Variants in SUGT1 observed in about 807,000 individuals in gnomAD.
SUGT1 encodes the protein protein SGT1 homolog.
A neutral mutation model predicts 56.1 loss-of-function variants in SUGT1; 15 were observed. The ratio of observed to expected loss-of-function variants is 0.27; its 90% CI spans 0.18 to 0.41. The LOEUF (loss-of-function observed/expected upper bound fraction) is 0.41, where lower values mean the gene tolerates loss of function less well. SUGT1 is among the 10% of genes least tolerant of loss of function. SUGT1 has a pLI of 1.00. For missense variants in SUGT1, 347 were observed against 382.2 expected (o/e 0.91, Z 0.77); for synonymous variants, 123 against 128.6 (o/e 0.96, Z 0.30).
In SUGT1 at chr13:52,687,880, C is replaced by A; in HGVS notation, c.*45C>A. ...TCGTATTGTGTATATTCACCTAATG[C>A]CCATTGTGTATTGATATTGCATTCT... On this transcript the variant is annotated 3_prime_UTR_variant, in exon 13 of 13. Transcript: ENST00000310528. 3 of 1,295,136 alleles carry A rather than the reference C, an allele frequency of 2.3e-6. No individual in the cohort carries two copies. Among genetic ancestry groups the A allele is most frequent in the South Asian group, 1.5e-5 (1 of 66,134 alleles). The allele number at this position is 1,295,136 out of a possible 1,614,324, so 80.2% of individuals were successfully genotyped here.
In SUGT1 at chr13:52,694,921, C is replaced by G. The variant is rs532217761; in HGVS notation, c.*7086C>G. Reference sequence around the variant, plus strand: ...AGCCAGGATGGTCTCATCTCCTGATCTTGTGACCCGCCCGCCTCGGCCTCC... The same window carrying G: ...AGCCAGGATGGTCTCATCTCCTGATGTTGTGACCCGCCCGCCTCGGCCTCC... On this transcript the variant is annotated 3_prime_UTR_variant, in exon 13 of 13. Coordinates refer to ENST00000310528, the MANE Select transcript of SUGT1 (RefSeq NM_006704.5). 2.4e-4 allele frequency: 36 copies of G among 152,422 alleles called. No individual in the cohort carries two copies. Among genetic ancestry groups the G allele is most frequent in the Non-Finnish European group, 3.1e-4 (21 of 68,098 alleles). 9.4% of individuals were successfully genotyped at this position (152,422 alleles called of 1,614,324 possible). A position where few individuals can be genotyped will look rare whatever the true frequency, so the allele number is the denominator to read the frequency against.
At chr13:52,669,840 C>T (rs952180096) in intron 10 of SUGT1, among the ~76,000 whole-genome samples, 3 of 152,056 alleles carry the variant, frequency 2.0e-5, no homozygotes, top group African/African-American at 7.2e-5. Context: ...CTTTGAATTT[C>T]CTTTTTCATA....
intron 10 of SUGT1, 113 bp downstream of exon 10, chr13:52,667,032 G>A (rs777346540): frequency 9.0e-6 from 6 of 664,348 alleles, no homozygotes; most frequent in South Asian, 2.3e-5. Flanking sequence ...CCTTTAACAG[G>A]GACAAGAAAA....
At chr13:52,659,803 T>TAC (rs1389893109) in intron 5 of SUGT1, among the ~76,000 whole-genome samples, 1 of 17,064 alleles carries the variant, frequency 5.9e-5, no homozygotes, top group Non-Finnish European at 1.2e-4. Flanking sequence ...TATATATATA[T>TAC]ATATATATAT....
At chr13:52,658,756 T>C (rs73186430) in intron 4 of SUGT1, among the ~76,000 whole-genome samples, 48,316 of 111,556 alleles carry the variant, frequency 0.43, 8,609 homozygotes, top group Middle Eastern at 0.56. Context: ...TTTTTTTTTT[T>C]CAATCTTTTG....
intron 11 of SUGT1, among the ~76,000 whole-genome samples, chr13:52,678,470 C>T (rs901898531): frequency 6.6e-6 from 1 of 152,030 alleles, no homozygotes; most frequent in Non-Finnish European, 1.5e-5. Context: ...CTAATGTGTC[C>T]TAATACATAC....
chr13:52,666,982 T>C, intron 10 of SUGT1, 63 bp downstream of exon 10: 2 of 1,076,380 alleles, frequency 1.9e-6, no homozygotes, highest in South Asian at 1.3e-5. Context: ...ACTGGTGAAC[T>C]AATCACCCAT....
intron 10 of SUGT1, among the ~76,000 whole-genome samples, chr13:52,670,714 AG>A (rs1206729412): frequency 1.3e-5 from 2 of 152,166 alleles, no homozygotes; most frequent in African/African-American, 4.8e-5. Flanking sequence ...AGACTGAGGC[AG>A]GAGAATCGCT....
chr13:52,653,194 G>A (rs1000685784), intron 2 of SUGT1, 91 bp downstream of exon 2: 4 of 1,491,644 alleles, frequency 2.7e-6, no homozygotes, highest in Non-Finnish European at 3.7e-6. Flanking sequence ...CCGCACCGCC[G>A]GACAGGGACC....
At position 52,698,201 on chromosome 13, in the gene SUGT1, C is replaced by T. The variant is rs1309565570; in HGVS notation, c.*10366C>T. On this transcript the variant is annotated 3_prime_UTR_variant, in exon 13 of 13. Coordinates refer to ENST00000310528, the MANE Select transcript of SUGT1 (RefSeq NM_006704.5). ...AAGACTAGAGGTAGCTTTGGAACCT[C>T]TTATTCCCTGGAATGCAAACATGTA... 1.3e-5 allele frequency: 2 copies of T among 152,160 alleles called. No individual in the cohort carries two copies. The highest frequency in any genetic ancestry group is 2.9e-5 in the Non-Finnish European group (2 of 68,030). The allele number at this position is 152,160 out of a possible 1,614,324, so 9.4% of individuals were successfully genotyped here. A position where few individuals can be genotyped will look rare whatever the true frequency, so the allele number is the denominator to read the frequency against.
chr13:52,664,147 A>G (rs1437621045), intron 8 of SUGT1, 90 bp downstream of exon 8: 1 of 1,333,412 alleles, frequency 7.5e-7, no homozygotes, highest in Non-Finnish European at 1.0e-6. Flanking sequence ...AATTCTTACC[A>G]TGTGATTTTT....
chr13:52,678,566 A>G (rs1361852810), intron 11 of SUGT1, among the ~76,000 whole-genome samples: 7 of 152,186 alleles, frequency 4.6e-5, no homozygotes, highest in Non-Finnish European at 8.8e-5. Flanking sequence ...TTACCTGTTG[A>G]GCACTTGAAA....
At chr13:52,685,796 T>C (rs1963562971) in intron 12 of SUGT1, among the ~76,000 whole-genome samples, 1 of 152,140 alleles carries the variant, frequency 6.6e-6, no homozygotes, top group South Asian at 2.1e-4. Flanking sequence ...ATATACAAAA[T>C]AATCAAAGGG....
chr13:52,657,773 C>G, intron 3 of SUGT1, 151 bp downstream of exon 3: 2 of 685,870 alleles, frequency 2.9e-6, no homozygotes, highest in Admixed American at 3.1e-5. Flanking sequence ...TTGAGCAACA[C>G]CCATTTAAAT....
intron 5 of SUGT1, 68 bp downstream of exon 5, chr13:52,659,317 G>A: frequency 1.0e-6 from 1 of 998,724 alleles, no homozygotes; most frequent in Non-Finnish European, 1.4e-6. Flanking sequence ...GCTGAATTTT[G>A]GTAATGTTAA....
At chr13:52,657,430 T>A in intron 2 of SUGT1, 102 bp from the exon 3 acceptor site, 2 of 982,674 alleles carry the variant, frequency 2.0e-6, no homozygotes, top group Non-Finnish European at 3.1e-6. Flanking sequence ...TTCCTCCAAA[T>A]AGCTTCTGAC....
At position 52,700,404 on chromosome 13, in the gene SUGT1, T is replaced by C. The variant is rs1455228647; in HGVS notation, c.*12569T>C. 6.6e-6 allele frequency: 1 copy of C among 152,170 alleles called. No homozygotes were observed. The highest frequency in any genetic ancestry group is 1.5e-5 in the Non-Finnish European group (1 of 68,012). 9.4% of individuals were successfully genotyped at this position (152,170 alleles called of 1,614,324 possible). ...CCTAAAATTTGTAAATTGAATACTT[T>C]TGAATGTAAGCAGTTGAAGTAAAAC... is the stretch of plus-strand genomic sequence containing the variant. On this transcript the variant is annotated 3_prime_UTR_variant, in exon 13 of 13. Coordinates refer to ENST00000310528, the MANE Select transcript of SUGT1 (RefSeq NM_006704.5).
intron 10 of SUGT1, among the ~76,000 whole-genome samples, chr13:52,667,592 G>A (rs1371331643): frequency 2.0e-5 from 3 of 151,568 alleles, no homozygotes; most frequent in Admixed American, 2.0e-4. Context: ...TTTTTAAACT[G>A]AATTTTAGAT....
At position 52,698,604 on chromosome 13, in the gene SUGT1, T is replaced by TA. The variant is rs35215093; in HGVS notation, c.*10772dup. 0.34 allele frequency: 50,950 copies of TA among 151,824 alleles called. 9,358 individuals are homozygous for TA. Among genetic ancestry groups the TA allele is most frequent in the Middle Eastern group, 0.45 (130 of 292 alleles). 9.4% of individuals were successfully genotyped at this position (151,824 alleles called of 1,614,324 possible). A position where few individuals can be genotyped will look rare whatever the true frequency, so the allele number is the denominator to read the frequency against. Reference sequence around the variant, plus strand: ...ACTACTAGTGCACTAAGCTAATTTTTAAATTTTTTTTGTAGAGACAGGGTC... The same window carrying TA: ...ACTACTAGTGCACTAAGCTAATTTTTAAAATTTTTTTTGTAGAGACAGGGTC... On this transcript the variant is annotated 3_prime_UTR_variant, in exon 13 of 13. Coordinates refer to ENST00000310528, the MANE Select transcript of SUGT1 (RefSeq NM_006704.5).
Sources: allele counts gnomAD v4.1 joint callset (sites outside exome capture counted in the v4.1 genomes callset), GRCh38; gene constraint gnomAD v4.1.1; transcripts MANE v1.5; gene names NCBI Gene and HGNC (gene_info 2026-07-23, HGNC 2026-07-21).